GPC6: variants seen among roughly 807,000 people sequenced by gnomAD.
GPC6 encodes glypican-6.
A neutral mutation model predicts 55.2 loss-of-function variants in GPC6; 14 were observed. The ratio of observed to expected loss-of-function variants is 0.25; its 90% CI spans 0.17 to 0.40. GPC6 has a LOEUF of 0.40. Ranked by LOEUF, GPC6 falls within the 10% of genes least tolerant of loss-of-function variation. GPC6 has a pLI of 1.00. For synonymous variants in GPC6, 278 were observed against 259.6 expected (o/e 1.07, Z -0.68); for missense variants, 641 against 708.5 (o/e 0.90, Z 1.08).
chr13:94,279,692 A>G (rs973034427), intron 4 of GPC6, among the ~76,000 whole-genome samples: 1 of 151,922 alleles, frequency 6.6e-6, no homozygotes, highest in Admixed American at 6.6e-5. Context: ...CCTTAATTTC[A>G]TTATTTACCC....
chr13:93,252,071 G>C (rs1876803829), intron 1 of GPC6, among the ~76,000 whole-genome samples: 1 of 152,136 alleles, frequency 6.6e-6, no homozygotes, highest in African/African-American at 2.4e-5. Flanking sequence ...ATGTGCACCA[G>C]AATCATCCAA....
chr13:93,900,527 TA>T (rs1477823260), intron 3 of GPC6, among the ~76,000 whole-genome samples: 1 of 152,178 alleles, frequency 6.6e-6, no homozygotes, highest in African/African-American at 2.4e-5. Context: ...AACTCTTACA[TA>T]AAGAAATCAC....
At chr13:93,820,552 T>C (rs553813529) in intron 2 of GPC6, among the ~76,000 whole-genome samples, 2 of 152,178 alleles carry the variant, frequency 1.3e-5, no homozygotes, top group South Asian at 4.1e-4. Flanking sequence ...TTGATAGTTT[T>C]TGTAAGATGT....
At chr13:93,489,176 G>A (rs1354704775) in intron 1 of GPC6, among the ~76,000 whole-genome samples, 1 of 151,458 alleles carries the variant, frequency 6.6e-6, no homozygotes, top group Non-Finnish European at 1.5e-5. Context: ...TCCAGTTTCA[G>A]CTTTCTACAT....
At chr13:93,297,070 G>A (rs554083259) in intron 1 of GPC6, among the ~76,000 whole-genome samples, 7 of 152,278 alleles carry the variant, frequency 4.6e-5, no homozygotes, top group East Asian at 1.9e-4. Flanking sequence ...CGCCAGATGC[G>A]TTCCTTGAGG....
At chr13:93,286,409 C>T (rs1338121793) in intron 1 of GPC6, among the ~76,000 whole-genome samples, 1 of 152,134 alleles carries the variant, frequency 6.6e-6, no homozygotes, top group Non-Finnish European at 1.5e-5. Context: ...AATTAGTGAG[C>T]TCAGAGAAGC....
At chr13:93,342,677 C>T (rs1025654572) in intron 1 of GPC6, among the ~76,000 whole-genome samples, 2 of 152,124 alleles carry the variant, frequency 1.3e-5, no homozygotes, top group Admixed American at 6.5e-5. Flanking sequence ...ATAGTGATAA[C>T]AGTCGTGAAG....
intron 1 of GPC6, among the ~76,000 whole-genome samples, chr13:93,363,891 C>G (rs9561330): frequency 2.6e-5 from 4 of 151,610 alleles, no homozygotes; most frequent in Non-Finnish European, 5.9e-5. Flanking sequence ...GCCAGTGATG[C>G]TGAGCATTTT....
chr13:94,060,213 G>T (rs773905839), intron 4 of GPC6, among the ~76,000 whole-genome samples: 1 of 152,040 alleles, frequency 6.6e-6, no homozygotes, highest in African/African-American at 2.4e-5. Flanking sequence ...GTCTCCAATC[G>T]CTGGTACCAT....
chr13:93,292,984 C>CT, intron 1 of GPC6, among the ~76,000 whole-genome samples: 1 of 152,124 alleles, frequency 6.6e-6, no homozygotes, highest in South Asian at 2.1e-4. Flanking sequence ...GTAGAAGTTC[C>CT]TTTTTTTAAT....
chr13:93,689,307 T>C (rs1241270607), intron 2 of GPC6, among the ~76,000 whole-genome samples: 1 of 152,144 alleles, frequency 6.6e-6, no homozygotes, highest in African/African-American at 2.4e-5. Flanking sequence ...TATGATTTAC[T>C]ACTTCTCAGA....
chr13:93,292,055 T>C (rs886561273), intron 1 of GPC6, among the ~76,000 whole-genome samples: 1 of 152,222 alleles, frequency 6.6e-6, no homozygotes, highest in African/African-American at 2.4e-5. Context: ...GGAATTCTAA[T>C]TTGTAAATGA....
intron 4 of GPC6, among the ~76,000 whole-genome samples, chr13:94,178,644 A>G (rs1176151615): frequency 6.6e-6 from 1 of 152,214 alleles, no homozygotes; most frequent in Non-Finnish European, 1.5e-5. Context: ...GCAAATCATT[A>G]AAGTAATTGC....
intron 4 of GPC6, among the ~76,000 whole-genome samples, chr13:94,061,991 A>T (rs1274968853): frequency 1.3e-5 from 2 of 152,060 alleles, no homozygotes; most frequent in Non-Finnish European, 2.9e-5. Context: ...AGTCCTAAGG[A>T]TCTCTTTATT....
At chr13:93,273,941 G>C (rs1877638638) in intron 1 of GPC6, among the ~76,000 whole-genome samples, 1 of 151,834 alleles carries the variant, frequency 6.6e-6, no homozygotes, top group Admixed American at 6.6e-5. Context: ...CTGAGTAGCT[G>C]GGATTACAGG....
At chr13:93,824,278 C>T (rs1887157531) in intron 2 of GPC6, among the ~76,000 whole-genome samples, 1 of 152,092 alleles carries the variant, frequency 6.6e-6, no homozygotes, top group Non-Finnish European at 1.5e-5. Context: ...TTGAGCAAAG[C>T]CTCAATGTGA....
At chr13:93,270,585 G>C (rs1217426618) in intron 1 of GPC6, among the ~76,000 whole-genome samples, 2 of 151,856 alleles carry the variant, frequency 1.3e-5, no homozygotes, top group Non-Finnish European at 2.9e-5. Flanking sequence ...TCTACTTATA[G>C]TTCTCACTGA....
intron 4 of GPC6, among the ~76,000 whole-genome samples, chr13:94,101,606 T>C (rs1234038851): frequency 6.6e-6 from 1 of 152,220 alleles, no homozygotes; most frequent in Non-Finnish European, 1.5e-5. Flanking sequence ...TAACAGATAA[T>C]TTGTTCAACA....
At chr13:94,337,404 G>T (rs1030853259) in intron 6 of GPC6, among the ~76,000 whole-genome samples, 2 of 152,040 alleles carry the variant, frequency 1.3e-5, no homozygotes, top group African/African-American at 4.8e-5. Context: ...GCCAGGGCTA[G>T]TAACATAGAT....
Sources: gnomAD v4.1 joint callset for allele counts (sites outside exome capture counted in the v4.1 genomes callset) on GRCh38, gnomAD v4.1.1 for gene constraint, MANE v1.5 for transcripts, NCBI Gene and HGNC (gene_info 2026-07-23, HGNC 2026-07-21) for gene names.